ANKS1B: variants seen among roughly 807,000 people sequenced by gnomAD.
The protein encoded by ANKS1B is ankyrin repeat and sterile alpha motif domain-containing protein 1B.
ANKS1B carries 36 observed loss-of-function variants against 148.3 expected under a neutral mutation model. The observed-to-expected ratio is 0.24, with a 90% CI of 0.19 to 0.32. The LOEUF is 0.32. Among genes scored for constraint, ANKS1B ranks in the 10% least tolerant of loss-of-function variants. The probability of loss-of-function intolerance (pLI) is 1.00; values close to 1 mark genes in which losing one functional copy is unlikely to be tolerated. For synonymous variants in ANKS1B, 542 were observed against 560.8 expected (o/e 0.97, Z 0.47); for missense variants, 1,157 against 1,542.6 (o/e 0.75, Z 4.19).
intron 12 of ANKS1B, among the ~76,000 whole-genome samples, chr12:99,378,377 C>T (rs751394375): frequency 1.3e-5 from 2 of 151,864 alleles, no homozygotes; most frequent in African/African-American, 2.4e-5. Flanking sequence ...AAGAGAAGGC[C>T]GGGCATGGTG....
chr12:99,473,855 A>G (rs2096277436), intron 10 of ANKS1B, among the ~76,000 whole-genome samples: 1 of 152,048 alleles, frequency 6.6e-6, no homozygotes. Context: ...TGGCATTTTA[A>G]AAGTATTTTG....
intron 17 of ANKS1B, among the ~76,000 whole-genome samples, chr12:99,000,780 C>T (rs2099932539): frequency 6.6e-6 from 1 of 152,144 alleles, no homozygotes; most frequent in African/African-American, 2.4e-5. Context: ...CCTTGGTAAC[C>T]ACCATTTATT....
intron 17 of ANKS1B, among the ~76,000 whole-genome samples, chr12:98,999,522 T>C (rs1432579107): frequency 6.6e-6 from 1 of 152,156 alleles, no homozygotes; most frequent in East Asian, 1.9e-4. Flanking sequence ...AAAGGATACT[T>C]TATGTTTTTG....
At chr12:99,001,755 A>G (rs1452327888) in intron 17 of ANKS1B, among the ~76,000 whole-genome samples, 1 of 152,188 alleles carries the variant, frequency 6.6e-6, no homozygotes, top group Non-Finnish European at 1.5e-5. Context: ...GGATCCCTAG[A>G]ACTTAATTCA....
intron 17 of ANKS1B, among the ~76,000 whole-genome samples, chr12:99,029,607 G>C (rs537361873): frequency 6.6e-6 from 1 of 152,330 alleles, no homozygotes; most frequent in East Asian, 1.9e-4. Context: ...ACATAGACTG[G>C]AGGAAGCCTC....
intron 10 of ANKS1B, among the ~76,000 whole-genome samples, chr12:99,493,428 A>C (rs1368753026): frequency 6.6e-6 from 1 of 151,610 alleles, no homozygotes; most frequent in Non-Finnish European, 1.5e-5. Context: ...AAACTATTAT[A>C]ATAGTCCAAG....
intron 17 of ANKS1B, among the ~76,000 whole-genome samples, chr12:98,985,361 C>A (rs1256568582): frequency 6.6e-6 from 1 of 152,112 alleles, no homozygotes; most frequent in Non-Finnish European, 1.5e-5. Context: ...ATATTTAGAT[C>A]ATTTACATTT....
At chr12:98,938,699 T>C (rs1372095099) in intron 17 of ANKS1B, among the ~76,000 whole-genome samples, 1 of 152,232 alleles carries the variant, frequency 6.6e-6, no homozygotes, top group Non-Finnish European at 1.5e-5. Flanking sequence ...GTCACTTCGA[T>C]GAAAACTTGA....
chr12:99,636,299 T>C (rs961880816), intron 9 of ANKS1B, among the ~76,000 whole-genome samples: 4 of 152,174 alleles, frequency 2.6e-5, no homozygotes, highest in Admixed American at 1.3e-4. Flanking sequence ...CAGGTTTAGA[T>C]TCCTGGAGCC....
chr12:99,082,516 T>C lies in ANKS1B; in HGVS notation c.2625+2409A>G, dbSNP rs546925300. On this transcript the variant is annotated intron_variant, in intron 16 of 26. Coordinates refer to ENST00000683438, the MANE Select transcript of ANKS1B (RefSeq NM_001352186.2). ...GCAGGGTATAGCATGACCTGATTTA[T>C]ATTTTAGAAGGATCATTCCAGATAC... Among the ~76,000 whole-genome samples the C allele has an allele frequency of 8.8e-4, 134 of 152,258 alleles. 1 individual carries two copies. The highest frequency in any genetic ancestry group is 3.1e-3 in the African/African-American group (129 of 41,554).
At chr12:99,542,741 G>A (rs1272368528) in intron 9 of ANKS1B, among the ~76,000 whole-genome samples, 1 of 152,064 alleles carries the variant, frequency 6.6e-6, no homozygotes, top group Non-Finnish European at 1.5e-5. Flanking sequence ...AGAAAAAATA[G>A]TTTTTTCAAC....
chr12:99,573,535 A>G (rs138388626), intron 9 of ANKS1B, among the ~76,000 whole-genome samples: 1 of 152,128 alleles, frequency 6.6e-6, no homozygotes, highest in East Asian at 1.9e-4. Flanking sequence ...TATTGTATGT[A>G]TCTGAAAAAT....
chr12:99,707,680 A>T (rs1047790432), intron 8 of ANKS1B, among the ~76,000 whole-genome samples: 12 of 152,034 alleles, frequency 7.9e-5, no homozygotes, highest in African/African-American at 2.9e-4. Flanking sequence ...ACATTATTGT[A>T]CAGAAAGAAA....
intron 14 of ANKS1B, among the ~76,000 whole-genome samples, chr12:99,185,938 GT>G (rs1289113057): frequency 6.6e-6 from 1 of 152,124 alleles, no homozygotes; most frequent in African/African-American, 2.4e-5. Flanking sequence ...GAGCCAAGTG[GT>G]CTAGCTCAGT....
chr12:99,347,523 C>G (rs1378511048), intron 12 of ANKS1B, among the ~76,000 whole-genome samples: 2 of 152,042 alleles, frequency 1.3e-5, no homozygotes, highest in Admixed American at 6.6e-5. Flanking sequence ...AACATACACA[C>G]AGAGCCCAGT....
At chr12:99,313,865 G>C (rs749516996) in intron 12 of ANKS1B, among the ~76,000 whole-genome samples, 1 of 152,114 alleles carries the variant, frequency 6.6e-6, no homozygotes, top group Non-Finnish European at 1.5e-5. Flanking sequence ...TACAAGACAA[G>C]GATGCCCTTT....
At chr12:98,791,341 A>G (rs1298520444) in intron 22 of ANKS1B, among the ~76,000 whole-genome samples, 1 of 151,972 alleles carries the variant, frequency 6.6e-6, no homozygotes, top group African/African-American at 2.4e-5. Flanking sequence ...AAAAAAAAAA[A>G]AAAAGAAAAC....
rs149613840 is a variant in ANKS1B, at chr12:99,695,447, A to G, written c.1129-40237T>C. Among the ~76,000 whole-genome samples, 316 of 152,310 alleles carry G rather than the reference A, an allele frequency of 2.1e-3. 2 individuals carry two copies. Among genetic ancestry groups the G allele is most frequent in the African/African-American group, 7.5e-3 (311 of 41,564 alleles). Reference sequence around the variant, plus strand: ...GCTCACAGTCTAATGTGCACTGCAAAAACATGTAGAGAAAAATCCATTAAA... The same window carrying G: ...GCTCACAGTCTAATGTGCACTGCAAGAACATGTAGAGAAAAATCCATTAAA... On this transcript the variant is annotated intron_variant, in intron 8 of 26. Coordinates refer to ENST00000683438, the MANE Select transcript of ANKS1B (RefSeq NM_001352186.2).
At chr12:99,500,680 C>A (rs924198231) in intron 10 of ANKS1B, among the ~76,000 whole-genome samples, 1 of 152,186 alleles carries the variant, frequency 6.6e-6, no homozygotes, top group Non-Finnish European at 1.5e-5. Flanking sequence ...AGTACTCCCC[C>A]ATTTTTGCTC....
Sources: allele counts gnomAD v4.1 joint callset (sites outside exome capture counted in the v4.1 genomes callset), GRCh38; gene constraint gnomAD v4.1.1; transcripts MANE v1.5; gene names NCBI Gene and HGNC (gene_info 2026-07-23, HGNC 2026-07-21).